Variants in LRRC31 observed in about 807,000 individuals in gnomAD.
LRRC31 encodes the protein leucine-rich repeat-containing protein 31.
LRRC31 carries 35 observed loss-of-function variants against 46.7 expected under a neutral mutation model. The ratio of observed to expected loss-of-function variants is 0.75; its 90% CI spans 0.57 to 0.99. The LOEUF (loss-of-function observed/expected upper bound fraction) is 0.99. Among genes scored for constraint, LRRC31 ranks in the 50% least tolerant of loss-of-function variants. The probability of loss-of-function intolerance (pLI) is 0.00; values close to 1 mark genes in which losing one functional copy is unlikely to be tolerated. For synonymous variants in LRRC31, 236 were observed against 235.1 expected (o/e 1.00, Z -0.03); for missense variants, 613 against 626.1 (o/e 0.98, Z 0.22).
In LRRC31 at chr3:169,854,844, GC is replaced by G; in HGVS notation, c.959del (p.Cys320SerfsTer3). 6.2e-7 allele frequency: 1 copy of G among 1,613,542 alleles called. No individual in the cohort carries two copies. Among genetic ancestry groups the G allele is most frequent in the Non-Finnish European group, 8.5e-7 (1 of 1,179,608 alleles). On this transcript the variant is annotated frameshift_variant, in exon 6 of 9. Coordinates refer to ENST00000316428, the MANE Select transcript of LRRC31 (RefSeq NM_024727.4). LOFTEE classifies it high-confidence loss of function. ...ACATCACGTCATCTGCTGTTAGTGA[GC>G]ACTGGTGAAGATCTAGGACTTGTAG... is the stretch of plus-strand genomic sequence containing the variant. Reference protein sequence around the residue: ...KHLQVLDLHQCSLTADDVMSL... With the variant: ...KHLQVLDLHQXSLTADDVMSL...
intron 3 of LRRC31, among the ~76,000 whole-genome samples, chr3:169,859,669 T>C (rs1781085771): frequency 6.6e-6 from 1 of 152,238 alleles, no homozygotes; most frequent in Non-Finnish European, 1.5e-5. Context: ...CTAGTTCTAG[T>C]TAAACTATTA....
At position 169,860,683 on chromosome 3, in the gene LRRC31, G is replaced by T. The variant is rs376272780; in HGVS notation, c.365C>A (p.Ser122Tyr). The T allele has an allele frequency of 6.2e-7, 1 of 1,614,010 alleles. No homozygotes were observed. Among genetic ancestry groups the T allele is most frequent in the Non-Finnish European group, 8.5e-7 (1 of 1,180,018 alleles). ...GGTTCCACCTACAAAACCATTCCAG[G>T]AGATATCCAGTTCTTCCAAGTCTGG... is the stretch of plus-strand genomic sequence containing the variant. Reference protein sequence around the residue: ...FLPDLEELDISWNGFVGGTLL... With the variant: ...FLPDLEELDIYWNGFVGGTLL... The change falls in exon 3 of 9, where the codon TCC becomes TAC. Residue 122 changes from serine to tyrosine, a missense_variant. Coordinates refer to ENST00000316428, the MANE Select transcript of LRRC31 (RefSeq NM_024727.4).
intron 1 of LRRC31, among the ~76,000 whole-genome samples, chr3:169,864,771 A>G (rs1306427596): frequency 6.6e-6 from 1 of 152,192 alleles, no homozygotes; most frequent in African/African-American, 2.4e-5. Flanking sequence ...CATGTATTTC[A>G]ATTTTTAAAA....
chr3:169,856,763 C>T lies in LRRC31; in HGVS notation c.597G>A (p.Lys199=). 6.2e-7 allele frequency: 1 copy of T among 1,609,252 alleles called. No homozygotes were observed. Among genetic ancestry groups the T allele is most frequent in the Non-Finnish European group, 8.5e-7 (1 of 1,177,880 alleles). ...AATCCACAAGCTCAATCATTTGTAT[C>T]TTGCTCCCTTTTTGGAACTTCTGAA... is the stretch of plus-strand genomic sequence containing the variant. ...LILQKFQKGS[K]IQMIELVDCS... Residue 199 remains lysine, a synonymous_variant, in exon 4 of 9, where the codon AAG becomes AAA. Coordinates refer to ENST00000316428, the MANE Select transcript of LRRC31 (RefSeq NM_024727.4).
rs1780400529 is a variant in LRRC31, at chr3:169,840,086, C to G, written c.1555G>C (p.Gly519Arg). 6.2e-7 allele frequency: 1 copy of G among 1,614,028 alleles called. No individual in the cohort carries two copies. Among genetic ancestry groups the G allele is most frequent in the African/African-American group, 1.3e-5 (1 of 74,998 alleles). ...VTKLPQITEI[G>R]MKRWILPASQ... is the part of the protein sequence containing the mutation. ...GCTGGGAGAATCCATCTTTTCATTC[C>G]TATCTCAGTGATCTGAGGAAGCTTG... Residue 519 changes from glycine (G) to arginine (R), a missense_variant, in exon 9 of 9, where the codon GGA becomes CGA. Physicochemically the swap from Gly to Arg is moderately radical, Grantham distance 125 (BLOSUM62 -2). Transcript: ENST00000316428.
At chr3:169,857,317 C>CAT (rs1560629829) in intron 3 of LRRC31, among the ~76,000 whole-genome samples, 2 of 55,584 alleles carry the variant, frequency 3.6e-5, no homozygotes, top group Non-Finnish European at 7.0e-5. Context: ...ATATCACATG[C>CAT]CTATATATAT....
intron 3 of LRRC31, among the ~76,000 whole-genome samples, chr3:169,860,258 C>T (rs1282136754): frequency 1.5e-4 from 22 of 151,266 alleles, no homozygotes; most frequent in Admixed American, 1.4e-3. Flanking sequence ...GATGGAGTCT[C>T]ACTCTGTCAC....
rs561005148 is a variant in LRRC31, at chr3:169,839,315, T to G, written c.*667A>C. Reference sequence around the variant, plus strand: ...TGTTTTTCATACTGAGTTTTAGATTTTTAATCACTTTTTACTAAGATTTAT... The same window carrying G: ...TGTTTTTCATACTGAGTTTTAGATTGTTAATCACTTTTTACTAAGATTTAT... On this transcript the variant is annotated 3_prime_UTR_variant, in exon 9 of 9. Transcript: ENST00000316428. 1 of 152,342 alleles carries G rather than the reference T, an allele frequency of 6.6e-6. No individual in the cohort carries two copies. Among genetic ancestry groups the G allele is most frequent in the East Asian group, 1.9e-4 (1 of 5,194 alleles). 9.4% of individuals were successfully genotyped at this position (152,342 alleles called of 1,614,324 possible).
At chr3:169,841,951 A>G (rs1226135806) in intron 8 of LRRC31, among the ~76,000 whole-genome samples, 1 of 152,132 alleles carries the variant, frequency 6.6e-6, no homozygotes, top group Non-Finnish European at 1.5e-5. Context: ...AGGCTGAGGT[A>G]GGAGAATTGC....
At chr3:169,853,235 A>C in intron 6 of LRRC31, 1 of 985,294 alleles carries the variant, frequency 1.0e-6, no homozygotes, top group Non-Finnish European at 1.2e-6. Flanking sequence ...TGCTTAAAGG[A>C]TCTATAATTC....
Position 169,869,822 on chromosome 3 carries a change from G to C in LRRC31, c.-15C>G. The C allele has an allele frequency of 6.3e-7, 1 of 1,597,626 alleles. No homozygotes were observed. Among genetic ancestry groups the C allele is most frequent in the Non-Finnish European group, 8.5e-7 (1 of 1,173,878 alleles). ...GTTTGACTCATGGTGAAGTTGATGG[G>C]GGTAGTTCCCAATAAGACATCTTCC... On this transcript the variant is annotated 5_prime_UTR_variant, in exon 1 of 9. Coordinates refer to ENST00000316428, the MANE Select transcript of LRRC31 (RefSeq NM_024727.4).
intron 7 of LRRC31, among the ~76,000 whole-genome samples, chr3:169,849,365 T>G (rs960415817): frequency 7.9e-5 from 12 of 152,240 alleles, no homozygotes; most frequent in African/African-American, 2.9e-4. Context: ...GATGATATAA[T>G]TTAGTGTGAT....
chr3:169,865,228 C>T (rs1292584903), intron 1 of LRRC31, among the ~76,000 whole-genome samples: 1 of 149,526 alleles, frequency 6.7e-6, no homozygotes, highest in African/African-American at 2.5e-5. Flanking sequence ...CCAGCCTGGG[C>T]GACAGAGTAA....
intron 5 of LRRC31, among the ~76,000 whole-genome samples, chr3:169,856,029 C>T (rs550812948): frequency 5.9e-5 from 9 of 151,810 alleles, no homozygotes; most frequent in South Asian, 4.2e-4. Flanking sequence ...TACAGGCGCA[C>T]GTACCACCAC....
intron 8 of LRRC31, among the ~76,000 whole-genome samples, chr3:169,845,484 C>A (rs117680320): frequency 1.3e-5 from 2 of 152,042 alleles, no homozygotes; most frequent in East Asian, 1.9e-4. Flanking sequence ...ATCAAGACAG[C>A]GTGATATTGG....
At chr3:169,853,129 T>C (rs1780838431) in intron 6 of LRRC31, 1 of 729,770 alleles carries the variant, frequency 1.4e-6, no homozygotes, top group Non-Finnish European at 1.7e-6. Context: ...ATCGGTTTAC[T>C]CCTGCCCTTG....
chr3:169,863,458 A>G (rs1781234886), intron 1 of LRRC31, among the ~76,000 whole-genome samples: 1 of 152,238 alleles, frequency 6.6e-6, no homozygotes, highest in East Asian at 1.9e-4. Flanking sequence ...TGCAGTAGTA[A>G]TAAATTTAGA....
intron 5 of LRRC31, 62 bp downstream of exon 5, chr3:169,856,274 A>C: frequency 1.1e-6 from 1 of 937,226 alleles, no homozygotes; most frequent in Non-Finnish European, 1.4e-6. Flanking sequence ...CAATATATAT[A>C]TTTATATGTA....
At chr3:169,858,941 G>A (rs1253289054) in intron 3 of LRRC31, among the ~76,000 whole-genome samples, 1 of 140,128 alleles carries the variant, frequency 7.1e-6, no homozygotes, top group East Asian at 2.4e-4. Context: ...AGGAGGCGGA[G>A]GTTTCAGTGA....
Sources: allele counts gnomAD v4.1 joint callset (sites outside exome capture counted in the v4.1 genomes callset), GRCh38; gene constraint gnomAD v4.1.1; transcripts MANE v1.5; gene names NCBI Gene and HGNC (gene_info 2026-07-23, HGNC 2026-07-21).